Variants in WDFY2 observed in about 807,000 individuals in gnomAD.
The protein encoded by WDFY2 is WD repeat and FYVE domain containing 2, also known as WD repeat and FYVE domain-containing protein 2.
In WDFY2, 36 loss-of-function variants were observed where a neutral mutation model predicts 56.4. The ratio of observed to expected loss-of-function variants is 0.64; its 90% CI spans 0.49 to 0.84. The LOEUF (loss-of-function observed/expected upper bound fraction) is 0.84, where lower values mean the gene tolerates loss of function less well. Among genes scored for constraint, WDFY2 ranks in the 40% least tolerant of loss-of-function variants. WDFY2 has a pLI of 0.00. For synonymous variants in WDFY2, 176 were observed against 183.7 expected (o/e 0.96, Z 0.34); for missense variants, 444 against 512.2 (o/e 0.87, Z 1.29).
chr13:51,744,155 CCTTGGAG>C (rs1337881810), intron 7 of WDFY2, among the ~76,000 whole-genome samples: 1 of 152,162 alleles, frequency 6.6e-6, no homozygotes, highest in African/African-American at 2.4e-5. Context: ...CTTCTCTGGT[CCTTGGAG>C]CTTGGAAGAT....
chr13:51,613,776 AG>A lies in WDFY2; in HGVS notation c.137+28953del, dbSNP rs1954550134. ...TGCTGATAAGGGTAATTTAACACCA[AG>A]TTAGCACAGGTGACACCATATGTTG... is the stretch of plus-strand genomic sequence containing the variant. On this transcript the variant is annotated intron_variant, in intron 1 of 11. Coordinates refer to ENST00000298125, the MANE Select transcript of WDFY2 (RefSeq NM_052950.4). Among the ~76,000 whole-genome samples, 16 of 152,310 alleles carry A rather than the reference AG, an allele frequency of 1.1e-4. 1 individual carries two copies. In the South Asian group the frequency reaches 3.1e-3, roughly 30 times the overall value.
chr13:51,614,131 A>G (rs1469869581), intron 1 of WDFY2, among the ~76,000 whole-genome samples: 1 of 148,448 alleles, frequency 6.7e-6, no homozygotes, highest in African/African-American at 2.5e-5. Flanking sequence ...GGTTGCAGTG[A>G]GCCAAGATCG....
intron 1 of WDFY2, among the ~76,000 whole-genome samples, chr13:51,636,500 T>C (rs1272781554): frequency 3.3e-5 from 5 of 152,172 alleles, no homozygotes; most frequent in African/African-American, 4.8e-5. Flanking sequence ...GTCTTTTTAA[T>C]GACGGAAAGC....
chr13:51,751,535 T>A (rs1403477450), intron 8 of WDFY2, 120 bp downstream of exon 8: 2 of 999,236 alleles, frequency 2.0e-6, no homozygotes, highest in Non-Finnish European at 3.0e-6. Flanking sequence ...TAAAGAATTG[T>A]AGCATAAAAG....
intron 3 of WDFY2, among the ~76,000 whole-genome samples, chr13:51,703,002 AC>A (rs1203659952): frequency 6.6e-6 from 1 of 152,146 alleles, no homozygotes; most frequent in Non-Finnish European, 1.5e-5. Flanking sequence ...CGATACAGAA[AC>A]TGATTTTTTC....
chr13:51,736,976 G>A (rs1029974070), intron 6 of WDFY2, among the ~76,000 whole-genome samples: 3 of 151,992 alleles, frequency 2.0e-5, no homozygotes, highest in Non-Finnish European at 4.4e-5. Context: ...CTTTTTACCA[G>A]TGCCCACCAT....
chr13:51,685,264 T>C (rs1956041849), intron 3 of WDFY2, among the ~76,000 whole-genome samples: 1 of 152,230 alleles, frequency 6.6e-6, no homozygotes, highest in African/African-American at 2.4e-5. Flanking sequence ...TTAGTATTTG[T>C]GTATCATTAG....
intron 1 of WDFY2, among the ~76,000 whole-genome samples, chr13:51,649,267 G>A (rs901302314): frequency 2.0e-5 from 3 of 152,094 alleles, no homozygotes; most frequent in Non-Finnish European, 4.4e-5. Context: ...TTTGTGCCTC[G>A]TGCTGGGAGC....
rs577147668 is a variant in WDFY2 at position 51,662,525 on chromosome 13, G to A, written c.205+1862G>A. On this transcript the variant is annotated intron_variant, in intron 2 of 11. Transcript: ENST00000298125. Reference sequence around the variant, plus strand: ...TTAATAGGGACCTCATGAAGGCACAGGATCCTAATTGCTAACTCATTCCCT... The same window carrying A: ...TTAATAGGGACCTCATGAAGGCACAAGATCCTAATTGCTAACTCATTCCCT... Among the ~76,000 whole-genome samples the A allele has an allele frequency of 2.0e-5, 3 of 152,296 alleles. No individual in the cohort carries two copies. The South Asian group carries it at 6.2e-4, about 32-fold the overall frequency.
At chr13:51,604,580 G>A (rs140243110) in intron 1 of WDFY2, among the ~76,000 whole-genome samples, 10 of 152,272 alleles carry the variant, frequency 6.6e-5, no homozygotes, top group African/African-American at 2.2e-4. Context: ...ATGCTGTCCC[G>A]TATGGTAGCC....
chr13:51,719,107 G>A, intron 4 of WDFY2, 91 bp from the exon 5 acceptor site: 1 of 1,553,156 alleles, frequency 6.4e-7, no homozygotes, highest in Non-Finnish European at 8.8e-7. Flanking sequence ...TTCTGGGGTG[G>A]GGAGAAGAGA....
chr13:51,594,704 C>G (rs1954112754), intron 1 of WDFY2, among the ~76,000 whole-genome samples: 1 of 152,196 alleles, frequency 6.6e-6, no homozygotes, highest in African/African-American at 2.4e-5. Flanking sequence ...TGGCTCTTTC[C>G]AAAGCCTTAG....
intron 8 of WDFY2, chr13:51,752,987 G>A (rs866743986): frequency 6.6e-6 from 1 of 152,204 alleles, no homozygotes; most frequent in Non-Finnish European, 1.5e-5. Context: ...GAAAAGGCTT[G>A]TAGGAGGAAA....
intron 4 of WDFY2, among the ~76,000 whole-genome samples, chr13:51,709,651 C>T (rs561130681): frequency 9.0e-4 from 137 of 152,178 alleles, no homozygotes; most frequent in African/African-American, 3.0e-3. Context: ...AGAATACTAT[C>T]AACACCTCTA....
At chr13:51,610,420 T>G (rs1954477498) in intron 1 of WDFY2, among the ~76,000 whole-genome samples, 1 of 152,320 alleles carries the variant, frequency 6.6e-6, no homozygotes, top group South Asian at 2.1e-4. Flanking sequence ...TATGAATTTG[T>G]TGTATGAATT....
At chr13:51,645,810 TA>T (rs1212082184) in intron 1 of WDFY2, among the ~76,000 whole-genome samples, 1 of 152,204 alleles carries the variant, frequency 6.6e-6, no homozygotes, top group Admixed American at 6.5e-5. Flanking sequence ...CTCTGGTAAC[TA>T]CTCCTTATAT....
At chr13:51,709,534 C>T (rs1025421124) in intron 4 of WDFY2, among the ~76,000 whole-genome samples, 1 of 151,896 alleles carries the variant, frequency 6.6e-6, no homozygotes, top group African/African-American at 2.4e-5. Context: ...TGATAGACCA[C>T]TAGCAAAACT....
intron 6 of WDFY2, among the ~76,000 whole-genome samples, chr13:51,735,514 G>A (rs567105089): frequency 6.6e-5 from 10 of 152,342 alleles, no homozygotes; most frequent in African/African-American, 2.4e-4. Flanking sequence ...ACTCCAGACA[G>A]GGGAAGCAGT....
chr13:51,672,178 C>T (rs1241934945), intron 2 of WDFY2, among the ~76,000 whole-genome samples: 1 of 152,052 alleles, frequency 6.6e-6, no homozygotes, highest in Non-Finnish European at 1.5e-5. Context: ...TTTATGGTTT[C>T]AGGTTTTAAA....
Sources: gnomAD v4.1 joint callset for allele counts (sites outside exome capture counted in the v4.1 genomes callset) on GRCh38, gnomAD v4.1.1 for gene constraint, MANE v1.5 for transcripts, NCBI Gene and HGNC (gene_info 2026-07-23, HGNC 2026-07-21) for gene names.